AFG1L: variants seen among roughly 807,000 people sequenced by gnomAD.
The protein encoded by AFG1L is AFG1-like ATPase.
AFG1L carries 53 observed loss-of-function variants against 62.2 expected under a neutral mutation model. The observed-to-expected ratio is 0.85, with a 90% CI of 0.68 to 1.07. AFG1L has a LOEUF of 1.07. Ranked by LOEUF, AFG1L falls within the 50% of genes least tolerant of loss-of-function variation. AFG1L has a pLI of 0.00. For synonymous variants in AFG1L, 228 were observed against 210.3 expected (o/e 1.08, Z -0.73); for missense variants, 555 against 590.5 (o/e 0.94, Z 0.62).
At chr6:108,306,061 G>A (rs756911147) in intron 1 of AFG1L, among the ~76,000 whole-genome samples, 4 of 152,072 alleles carry the variant, frequency 2.6e-5, no homozygotes, top group Admixed American at 1.3e-4. Context: ...CTGTCACCAC[G>A]CCTGGCTAAT....
chr6:108,408,011 T>C (rs1184866420), intron 7 of AFG1L, among the ~76,000 whole-genome samples: 2 of 152,182 alleles, frequency 1.3e-5, no homozygotes, highest in Non-Finnish European at 2.9e-5. Flanking sequence ...TAAGTTATGA[T>C]TGGATGCTGC....
At chr6:108,504,618 C>T (rs1396826906) in intron 10 of AFG1L, among the ~76,000 whole-genome samples, 1 of 152,146 alleles carries the variant, frequency 6.6e-6, no homozygotes, top group Non-Finnish European at 1.5e-5. Flanking sequence ...GAAGTGAGCA[C>T]ATGCTGTTGG....
Position 108,393,537 on chromosome 6 carries a change from G to A in AFG1L, c.749-8459G>A, listed in dbSNP as rs564781170. Among the ~76,000 whole-genome samples, 5 of 152,138 alleles carry A rather than the reference G, an allele frequency of 3.3e-5. 1 individual carries two copies. The East Asian group carries it at 5.8e-4, about 18-fold the overall frequency. On this transcript the variant is annotated intron_variant, in intron 6 of 12. Coordinates refer to ENST00000368977, the MANE Select transcript of AFG1L (RefSeq NM_145315.5). ...AAAATTAAGTCTGTAAGACTTAAAG[G>A]CATTGGTATTCTACTTTAACTTTGT... is the stretch of plus-strand genomic sequence containing the variant.
chr6:108,420,260 T>G (rs1338873749), intron 7 of AFG1L, among the ~76,000 whole-genome samples: 1 of 152,000 alleles, frequency 6.6e-6, no homozygotes, highest in Non-Finnish European at 1.5e-5. Flanking sequence ...ACTCCTGAAT[T>G]GGAAAGAGTT....
rs762195229 is a variant in AFG1L, at chr6:108,295,208, CT to C, written c.133del (p.Trp45GlyfsTer12). On this transcript the variant is annotated frameshift_variant, in exon 1 of 13. Coordinates refer to ENST00000368977, the MANE Select transcript of AFG1L (RefSeq NM_145315.5). LOFTEE classifies it high-confidence loss of function. ...CTCTGGCCACCGCCCCTGGGAAGCC[CT>C]TTTGGAAAGGTCAGTGACTGTGCCA... ...APLATAPGKPFWKAYTVQTSE... is the reference protein window; with the variant it reads ...APLATAPGKPXWKAYTVQTSE... 5.6e-6 allele frequency: 9 copies of C among 1,603,648 alleles called. No homozygotes were observed. The African/African-American group carries it at 1.2e-4, about 21-fold the overall frequency.
At chr6:108,518,661 AG>A (rs1337365399) in intron 11 of AFG1L, among the ~76,000 whole-genome samples, 3 of 152,244 alleles carry the variant, frequency 2.0e-5, no homozygotes, top group Non-Finnish European at 4.4e-5. Flanking sequence ...AATAAAAAAA[AG>A]AATATGTTTT....
At chr6:108,295,421 C>A (rs1776729251) in intron 1 of AFG1L, among the ~76,000 whole-genome samples, 1 of 152,172 alleles carries the variant, frequency 6.6e-6, no homozygotes, top group African/African-American at 2.4e-5. Flanking sequence ...CCCTGAGTGA[C>A]TTTCATTTTG....
rs375787098 is a variant in AFG1L, at chr6:108,519,717, G to A, written c.1224G>A (p.Ala408=). Reference sequence around the variant, plus strand: ...TTCAGGTGCGTATAATTTGCTCTGCGTCGACTCCTATATCAAGCTTATTTT... The same window carrying A: ...TTCAGGTGCGTATAATTTGCTCTGCATCGACTCCTATATCAAGCTTATTTT... ...YDLKVRIICS[A]STPISSLFLH... is the part of the protein sequence containing the mutation. Residue 408 remains alanine (A), a synonymous_variant, in exon 12 of 13, where the codon GCG becomes GCA. Transcript: ENST00000368977. 45 of 1,609,860 alleles carry A rather than the reference G, an allele frequency of 2.8e-5. No homozygotes were observed. The highest frequency in any genetic ancestry group is 1.1e-4 in the African/African-American group (8 of 74,874).
chr6:108,366,809 C>G (rs755218872), intron 6 of AFG1L, among the ~76,000 whole-genome samples: 5 of 152,100 alleles, frequency 3.3e-5, no homozygotes, highest in Admixed American at 2.6e-4. Flanking sequence ...AATTAAAATA[C>G]AAGTAATATT....
chr6:108,490,948 C>T (rs1164122372), intron 10 of AFG1L, among the ~76,000 whole-genome samples: 1 of 152,204 alleles, frequency 6.6e-6, no homozygotes, highest in Non-Finnish European at 1.5e-5. Flanking sequence ...GAAGTTCTTA[C>T]TGACATTTTA....
chr6:108,389,666 G>A lies in AFG1L; in HGVS notation c.749-12330G>A, dbSNP rs192809609. Among the ~76,000 whole-genome samples the A allele has an allele frequency of 2.0e-5, 3 of 152,146 alleles. No individual in the cohort carries two copies. The East Asian group carries it at 5.8e-4, about 29-fold the overall frequency. ...TAGTTTGGCTGGATATGAAATTCTG[G>A]GTTGAAAATTCTTTCCTTTAAGAAT... On this transcript the variant is annotated intron_variant, in intron 6 of 12. Transcript: ENST00000368977.
At chr6:108,470,758 AC>A (rs1276366058) in intron 8 of AFG1L, among the ~76,000 whole-genome samples, 1 of 152,206 alleles carries the variant, frequency 6.6e-6, no homozygotes, top group Non-Finnish European at 1.5e-5. Context: ...ATAAAAACAT[AC>A]ACATTTTTAG....
chr6:108,314,580 G>A (rs1472118881), intron 1 of AFG1L, among the ~76,000 whole-genome samples: 1 of 151,922 alleles, frequency 6.6e-6, no homozygotes, highest in East Asian at 1.9e-4. Flanking sequence ...TTGTGTTTTA[G>A]TAGAAACGGG....
chr6:108,445,103 T>G (rs1355453212), intron 7 of AFG1L, among the ~76,000 whole-genome samples: 1 of 152,238 alleles, frequency 6.6e-6, no homozygotes, highest in Non-Finnish European at 1.5e-5. Flanking sequence ...CATCAGCACT[T>G]GCTGCTTTAC....
At chr6:108,424,051 T>G (rs913935489) in intron 7 of AFG1L, among the ~76,000 whole-genome samples, 2 of 152,142 alleles carry the variant, frequency 1.3e-5, no homozygotes, top group Admixed American at 1.3e-4. Context: ...TGTTAGTATA[T>G]GTATATATAC....
intron 11 of AFG1L, 71 bp downstream of exon 11, chr6:108,510,423 TC>T: frequency 8.1e-7 from 1 of 1,241,024 alleles, no homozygotes; most frequent in Non-Finnish European, 1.1e-6. Context: ...GGGCTGGAAA[TC>T]CTGACTTAAC....
At chr6:108,440,645 C>A (rs1771504550) in intron 7 of AFG1L, among the ~76,000 whole-genome samples, 2 of 151,244 alleles carry the variant, frequency 1.3e-5, no homozygotes, top group Admixed American at 1.3e-4. Flanking sequence ...ATGGTGAAAC[C>A]CCGTCTCTAC....
chr6:108,504,908 A>G (rs1404709650), intron 10 of AFG1L, among the ~76,000 whole-genome samples: 1 of 152,074 alleles, frequency 6.6e-6, no homozygotes, highest in African/African-American at 2.4e-5. Context: ...ATGGGAACCT[A>G]TTTAACTGCC....
chr6:108,515,400 A>G (rs547540808), intron 11 of AFG1L, among the ~76,000 whole-genome samples: 26 of 152,352 alleles, frequency 1.7e-4, no homozygotes, highest in African/African-American at 5.8e-4. Flanking sequence ...TGAATGAACT[A>G]CTGGGTACAT....
Sources: allele counts gnomAD v4.1 joint callset (sites outside exome capture counted in the v4.1 genomes callset), GRCh38; gene constraint gnomAD v4.1.1; transcripts MANE v1.5; gene names NCBI Gene and HGNC (gene_info 2026-07-23, HGNC 2026-07-21).